COL13A1: variants seen among roughly 807,000 people sequenced by gnomAD.
COL13A1 encodes the protein collagen alpha-1(XIII) chain.
Under a neutral mutation model 130.9 loss-of-function variants are expected in COL13A1, and 89 were observed. The ratio of observed to expected loss-of-function variants is 0.68; its 90% confidence interval spans 0.57 to 0.81. The LOEUF (loss-of-function observed/expected upper bound fraction) is 0.81. Among genes scored for constraint, COL13A1 ranks in the 30% least tolerant of loss-of-function variants. The probability of loss-of-function intolerance (pLI) is 0.00; values close to 1 mark genes in which losing one functional copy is unlikely to be tolerated. For synonymous variants in COL13A1, 402 were observed against 341.6 expected, an observed-to-expected ratio of 1.18 and a Z score of -1.95; for missense variants, 879 against 934.6, an observed-to-expected ratio of 0.94 and a Z score of 0.78.
At chr10:69,868,559 G>T (rs917823478) in intron 3 of COL13A1, among the ~76,000 whole-genome samples, 1 of 152,302 alleles carries the variant, frequency 6.6e-6, no homozygotes, top group East Asian at 1.9e-4. Context: ...GGCGCTGGGG[G>T]AGCTGGAGAT....
At chr10:69,932,523 G>T in intron 30 of COL13A1, 37 bp from the exon 31 acceptor site, 1 of 1,562,892 alleles carries the variant, frequency 6.4e-7, no homozygotes, top group South Asian at 1.1e-5. Context: ...GCTTTCACAA[G>T]GGCTGGCATT....
chr10:69,875,706 G>T (rs900837853), intron 5 of COL13A1, among the ~76,000 whole-genome samples: 8 of 152,270 alleles, frequency 5.3e-5, no homozygotes, highest in African/African-American at 1.7e-4. Context: ...GGAAAGTGAA[G>T]ATAGAGAAGG....
At chr10:69,859,678 C>T (rs1857427758) in intron 2 of COL13A1, among the ~76,000 whole-genome samples, 1 of 152,146 alleles carries the variant, frequency 6.6e-6, no homozygotes, top group South Asian at 2.1e-4. Context: ...AGGGCTGGGG[C>T]TGGAGGTCAA....
chr10:69,856,512 A>C (rs1172693450), intron 2 of COL13A1, among the ~76,000 whole-genome samples: 1 of 152,218 alleles, frequency 6.6e-6, no homozygotes, highest in Non-Finnish European at 1.5e-5. Context: ...AACCTAACAA[A>C]AGACAAGGTA....
At chr10:69,804,684 T>C (rs1840983909) in intron 1 of COL13A1, among the ~76,000 whole-genome samples, 1 of 150,830 alleles carries the variant, frequency 6.6e-6, no homozygotes, top group East Asian at 1.9e-4. Flanking sequence ...CATTCATTCA[T>C]TCAGAAAATG....
chr10:69,920,719 A>C (rs2064548996), intron 21 of COL13A1, among the ~76,000 whole-genome samples: 1 of 152,238 alleles, frequency 6.6e-6, no homozygotes, highest in African/African-American at 2.4e-5. Flanking sequence ...TCCAGCATCC[A>C]GAACTGTAAG....
chr10:69,917,365 C>T (rs2064053894), intron 18 of COL13A1, 32 bp downstream of exon 18: 7 of 1,593,920 alleles, frequency 4.4e-6, no homozygotes, highest in Admixed American at 1.7e-5. Context: ...CCCAGGCAGC[C>T]CCAAGGCCCC....
In COL13A1 at chr10:69,931,133, C is replaced by T. The variant is rs958013527; in HGVS notation, c.1683+581C>T. On this transcript the variant is annotated intron_variant, in intron 30 of 40. Coordinates refer to ENST00000645393, the MANE Select transcript of COL13A1 (RefSeq NM_001368882.1). ...CTCAGCAAGACCACCTTGAGCTCCA[C>T]TAACAGAAATCATTGTCAGTCTGTA... 1.1e-5 allele frequency: 5 copies of T among 455,930 alleles called. No individual in the cohort carries two copies. In the East Asian group the frequency reaches 3.5e-4, roughly 32 times the overall value. The allele number at this position is 455,930 out of a possible 1,614,324, so 28.2% of individuals were successfully genotyped here.
chr10:69,828,503 C>T (rs925129311), intron 2 of COL13A1, among the ~76,000 whole-genome samples: 7 of 152,242 alleles, frequency 4.6e-5, no homozygotes, highest in African/African-American at 1.7e-4. Context: ...GTCTCTCTAG[C>T]CTGATCTCTG....
chr10:69,804,116 C>T (rs1840812358), intron 1 of COL13A1, among the ~76,000 whole-genome samples: 1 of 152,158 alleles, frequency 6.6e-6, no homozygotes, highest in Admixed American at 6.5e-5. Flanking sequence ...ATCGGGCCGT[C>T]CATGGTTCCC....
Position 69,898,770 on chromosome 10 carries a change from C to A in COL13A1, c.750+8C>A, listed in dbSNP as rs1228349940. ...AAAAGGCGGACGTTCCAGGTAGACA[C>A]CTCCCGTTTGTCCAGACCATGTGTG... On this transcript the variant is annotated splice_region_variant and intron_variant, in intron 14 of 40. Coordinates refer to ENST00000645393, the MANE Select transcript of COL13A1 (RefSeq NM_001368882.1). 6.2e-7 allele frequency: 1 copy of A among 1,610,160 alleles called. No homozygotes were observed. Among genetic ancestry groups the A allele is most frequent in the Non-Finnish European group, 8.5e-7 (1 of 1,177,494 alleles).
chr10:69,864,775 G>A (rs76510441), intron 2 of COL13A1, among the ~76,000 whole-genome samples: 3 of 152,308 alleles, frequency 2.0e-5, no homozygotes, highest in South Asian at 2.1e-4. Context: ...GTCAAACCCC[G>A]GCGGAGAACG....
intron 5 of COL13A1, among the ~76,000 whole-genome samples, chr10:69,877,061 G>A (rs2059639488): frequency 6.6e-6 from 1 of 152,164 alleles, no homozygotes. Context: ...TTCCTTCTTA[G>A]CAGGTCTATT....
intron 15 of COL13A1, among the ~76,000 whole-genome samples, chr10:69,903,370 G>T (rs972559493): frequency 2.0e-5 from 3 of 152,218 alleles, no homozygotes; most frequent in Non-Finnish European, 4.4e-5. Flanking sequence ...CATCAAGCCT[G>T]CGGGGCCTGC....
intron 2 of COL13A1, among the ~76,000 whole-genome samples, chr10:69,847,072 C>G (rs974973355): frequency 6.6e-6 from 1 of 152,244 alleles, no homozygotes; most frequent in Non-Finnish European, 1.5e-5. Flanking sequence ...TCTATTGTGT[C>G]TCTCTTTAGC....
Position 69,928,970 on chromosome 10 carries a change from C to T in COL13A1, c.1456C>T (p.Pro486Ser). The T allele has an allele frequency of 6.2e-7, 1 of 1,613,626 alleles. No individual in the cohort carries two copies. The highest frequency in any genetic ancestry group is 1.1e-5 in the South Asian group (1 of 91,010). ...PPGLPGQIGP[P>S]GAPGIPGQKG... The stretch of plus-strand genomic sequence containing the variant: ...TGGTCTTCCTGGGCAAATTGGCCCA[C>T]CTGGAGCTCCAGGGATTCCAGGCCA... The change falls in exon 28 of 41, where the codon CCT becomes TCT. Residue 486 changes from proline to serine, a missense_variant. Around this residue, in one of 3 missense-constraint regions of COL13A1, gnomAD observed 715 missense variants for 721.0 expected, o/e 0.99. Coordinates refer to ENST00000645393, the MANE Select transcript of COL13A1 (RefSeq NM_001368882.1).
intron 37 of COL13A1, among the ~76,000 whole-genome samples, chr10:69,946,635 G>A (rs1188713252): frequency 6.6e-6 from 1 of 152,212 alleles, no homozygotes; most frequent in Non-Finnish European, 1.5e-5. Context: ...TGGCAGGAGA[G>A]CCTTGGGAAC....
chr10:69,867,524 TG>T (rs1027284295), intron 2 of COL13A1, among the ~76,000 whole-genome samples: 1 of 151,724 alleles, frequency 6.6e-6, no homozygotes, highest in Non-Finnish European at 1.5e-5. Context: ...TTTTGTGGGG[TG>T]GGAAACTGAG....
intron 7 of COL13A1, among the ~76,000 whole-genome samples, chr10:69,882,069 G>A (rs1245096116): frequency 1.3e-5 from 2 of 152,242 alleles, no homozygotes; most frequent in Non-Finnish European, 2.9e-5. Flanking sequence ...AGGAGGTGCA[G>A]CACCAATGCC....
Sources: gnomAD v4.1 joint callset for allele counts (sites outside exome capture counted in the v4.1 genomes callset) on GRCh38, gnomAD v4.1.1 for gene constraint, gnomAD v4.1.1 regional missense constraint, MANE v1.5 for transcripts, NCBI Gene and HGNC (gene_info 2026-07-23, HGNC 2026-07-21) for gene names.